EPS15: variants seen among roughly 807,000 people sequenced by gnomAD.
The protein encoded by EPS15 is epidermal growth factor receptor pathway substrate 15, also known as epidermal growth factor receptor substrate 15.
Under a neutral mutation model 113.8 loss-of-function variants are expected in EPS15, and 72 were observed. That is an observed-to-expected ratio of 0.63 (90% CI 0.52 to 0.77). The LOEUF is 0.77. Ranked by LOEUF, EPS15 falls within the 30% of genes least tolerant of loss-of-function variation. The probability of loss-of-function intolerance (pLI) is 0.00; values close to 1 mark genes in which losing one functional copy is unlikely to be tolerated. For missense variants in EPS15, 1,048 were observed against 1,045.8 expected (o/e 1.00, Z -0.03); for synonymous variants, 344 against 363.4 (o/e 0.95, Z 0.61).
intron 16 of EPS15, among the ~76,000 whole-genome samples, 192 bp from the exon 17 acceptor site, chr1:51,403,724 C>T (rs1009379614): frequency 6.6e-5 from 10 of 152,180 alleles, no homozygotes; most frequent in Non-Finnish European, 1.3e-4. Flanking sequence ...ATGTCAGAAA[C>T]CTTCAGGTCA....
chr1:51,430,795 A>C (rs949868317), intron 12 of EPS15, among the ~76,000 whole-genome samples: 2 of 151,726 alleles, frequency 1.3e-5, no homozygotes, highest in Non-Finnish European at 2.9e-5. Context: ...ATCTCTATAA[A>C]ATTTTTTTTT....
At chr1:51,508,240 AAGAGAGAAAG>A (rs1389407956) in intron 1 of EPS15, among the ~76,000 whole-genome samples, 1 of 77,746 alleles carries the variant, frequency 1.3e-5, no homozygotes, top group Non-Finnish European at 2.8e-5. Flanking sequence ...AAAGAAAAGA[AAGAGAGAAAG>A]AGAGAGAGAG....
chr1:51,480,604 C>T (rs6665465), intron 2 of EPS15, among the ~76,000 whole-genome samples: 3,335 of 152,302 alleles, frequency 0.022, 31 homozygotes, highest in Middle Eastern at 0.034. Context: ...AACCTCGCCT[C>T]CCAGGTTCAA....
chr1:51,465,321 A>G lies in EPS15; in HGVS notation c.315T>C (p.Asp105=). The stretch of plus-strand genomic sequence containing the variant: ...CACTGATTAGCAAAGGACTACTGGT[A>G]TCATGCTATAGAAGAAAGTAAAGCA... ...NLAVPPPRFH[D]TSSPLLISGT... is the part of the protein sequence containing the mutation. The change falls in exon 6 of 25, where the codon GAT becomes GAC. Residue 105 remains aspartate, a synonymous_variant. Transcript: ENST00000371733. The G allele has an allele frequency of 1.4e-5, 23 of 1,607,000 alleles. No individual in the cohort carries two copies. The highest frequency in any genetic ancestry group is 2.0e-5 in the Non-Finnish European group (23 of 1,174,532).
chr1:51,464,922 T>C (rs1293764184), intron 6 of EPS15, among the ~76,000 whole-genome samples: 2 of 152,242 alleles, frequency 1.3e-5, no homozygotes, highest in Non-Finnish European at 2.9e-5. Context: ...GAATTGTTTG[T>C]TTTAGAGTCA....
rs907915554 is a variant in EPS15, at chr1:51,467,970, T to TA, written c.309+502_309+503insT. Reference sequence around the variant, plus strand: ...GAAAATAAGTATTTATATATATATATTTTTTTAAGACAGGGTCTTAAACCA... The same window carrying TA: ...GAAAATAAGTATTTATATATATATATATTTTTTAAGACAGGGTCTTAAACCA... On this transcript the variant is annotated intron_variant, in intron 5 of 24. Transcript: ENST00000371733. Among the ~76,000 whole-genome samples, 40 of 150,932 alleles carry TA rather than the reference T, an allele frequency of 2.7e-4. 1 individual carries two copies. Among genetic ancestry groups the TA allele is most frequent in the East Asian group, 3.9e-4 (2 of 5,186 alleles).
chr1:51,514,373 T>C (rs1411473585), intron 1 of EPS15, among the ~76,000 whole-genome samples: 5 of 151,732 alleles, frequency 3.3e-5, no homozygotes, highest in Non-Finnish European at 7.4e-5. Context: ...TGATTTTTTT[T>C]TTAAAAACTT....
At position 51,408,079 on chromosome 1, in the gene EPS15, G is replaced by T. The variant is rs373200844; in HGVS notation, c.1473+56C>A. ...GGAGCAGAAGTTGGAAAGTATAACT[G>T]ACTAAAGGACACAGAGGATCCATTT... On this transcript the variant is annotated intron_variant, in intron 15 of 24. Transcript: ENST00000371733. The T allele has an allele frequency of 4.1e-6, 6 of 1,456,940 alleles. No homozygotes were observed. The South Asian group carries it at 5.7e-5, about 14-fold the overall frequency. The allele number at this position is 1,456,940 out of a possible 1,614,324, so 90.3% of individuals were successfully genotyped here.
intron 1 of EPS15, among the ~76,000 whole-genome samples, chr1:51,488,893 G>C (rs1202057478): frequency 6.6e-6 from 1 of 152,146 alleles, no homozygotes; most frequent in African/African-American, 2.4e-5. Flanking sequence ...AAAGAGAAAG[G>C]AAATGCCTTC....
intron 13 of EPS15, among the ~76,000 whole-genome samples, chr1:51,418,398 G>A (rs1473647639): frequency 1.3e-5 from 2 of 152,028 alleles, no homozygotes; most frequent in African/African-American, 4.8e-5. Flanking sequence ...CAAGAAGGAC[G>A]AACAGATTTG....
intron 12 of EPS15, among the ~76,000 whole-genome samples, chr1:51,426,837 C>CTCTCTCTCTCTATATATATATA (rs377211027): frequency 1.6e-4 from 23 of 143,560 alleles, no homozygotes; most frequent in African/African-American, 6.1e-4. Flanking sequence ...CTCTCTCTCT[C>CTCTCTCTCTCTATATATATATA]TATATATATA....
chr1:51,406,278 C>T (rs1007615092), intron 15 of EPS15, among the ~76,000 whole-genome samples, 170 bp from the exon 16 acceptor site: 1 of 152,060 alleles, frequency 6.6e-6, no homozygotes, highest in Non-Finnish European at 1.5e-5. Context: ...GAGTTCAAGA[C>T]CAGCCTGAGC....
At chr1:51,510,719 C>T (rs1024037674) in intron 1 of EPS15, among the ~76,000 whole-genome samples, 1 of 152,212 alleles carries the variant, frequency 6.6e-6, no homozygotes, top group Non-Finnish European at 1.5e-5. Context: ...TTTCAGGTTG[C>T]CTTCTCATTT....
chr1:51,450,163 G>A (rs1653422481), intron 8 of EPS15, among the ~76,000 whole-genome samples: 1 of 151,622 alleles, frequency 6.6e-6, no homozygotes, highest in African/African-American at 2.4e-5. Context: ...GGCACAACGT[G>A]GGACATAAGG....
At position 51,498,077 on chromosome 1, in the gene EPS15, T is replaced by C. The variant is rs114090979; in HGVS notation, c.34-16763A>G. ...TTAGGAAAAAAAACTTAAACCCCCCTTTTCCAACTAGTCGATAAGATAACA... is the reference window on the plus strand; with the variant it reads ...TTAGGAAAAAAAACTTAAACCCCCCCTTTCCAACTAGTCGATAAGATAACA... On this transcript the variant is annotated intron_variant, in intron 1 of 24. Coordinates refer to ENST00000371733, the MANE Select transcript of EPS15 (RefSeq NM_001981.3). Among the ~76,000 whole-genome samples the C allele has an allele frequency of 7.7e-3, 1,168 of 152,208 alleles. 10 individuals carry two copies. Among genetic ancestry groups the C allele is most frequent in the Non-Finnish European group, 0.013 (875 of 68,008 alleles).
intron 21 of EPS15, among the ~76,000 whole-genome samples, chr1:51,385,907 G>A (rs1647056089): frequency 6.6e-6 from 1 of 152,034 alleles, no homozygotes; most frequent in South Asian, 2.1e-4. Context: ...TTATTTAATG[G>A]ATACAGAATT....
At chr1:51,500,723 G>A (rs1473490732) in intron 1 of EPS15, among the ~76,000 whole-genome samples, 2 of 152,102 alleles carry the variant, frequency 1.3e-5, no homozygotes, top group South Asian at 2.1e-4. Flanking sequence ...AGTGGCTCAC[G>A]TCTGTAATCC....
intron 1 of EPS15, among the ~76,000 whole-genome samples, chr1:51,514,378 A>ATTTT (rs1415262916): frequency 6.7e-6 from 1 of 148,528 alleles, no homozygotes; most frequent in Non-Finnish European, 1.5e-5. Context: ...TTTTTTTTAA[A>ATTTT]AACTTTTATT....
At chr1:51,451,781 A>G (rs1291260176) in intron 8 of EPS15, among the ~76,000 whole-genome samples, 4 of 149,356 alleles carry the variant, frequency 2.7e-5, no homozygotes, top group Non-Finnish European at 4.4e-5. Flanking sequence ...ACACTTTCAG[A>G]GCATGAAAGT....
Sources: allele counts gnomAD v4.1 joint callset (sites outside exome capture counted in the v4.1 genomes callset), GRCh38; gene constraint gnomAD v4.1.1; transcripts MANE v1.5; gene names NCBI Gene and HGNC (gene_info 2026-07-23, HGNC 2026-07-21).